Variants in HDHD5 observed in about 807,000 individuals in gnomAD.
HDHD5 encodes the protein haloacid dehalogenase-like hydrolase domain-containing 5.
A neutral mutation model predicts 35.5 loss-of-function variants in HDHD5; 34 were observed. The ratio of observed to expected loss-of-function variants is 0.96; its 90% confidence interval spans 0.73 to 1.28. HDHD5 has a LOEUF of 1.28. Ranked by LOEUF, HDHD5 falls within the 50% of genes most tolerant of loss-of-function variation. HDHD5 has a pLI of 0.00. For synonymous variants in HDHD5, 248 were observed against 240.6 expected, an observed-to-expected ratio of 1.03 and a Z score of -0.29; for missense variants, 589 against 560.2, an observed-to-expected ratio of 1.05 and a Z score of -0.52.
At chr22:17,151,368 T>A (rs1399739996) in intron 1 of HDHD5, among the ~76,000 whole-genome samples, 1 of 151,984 alleles carries the variant, frequency 6.6e-6, no homozygotes, top group Admixed American at 6.6e-5. Context: ...GCCAACTAGG[T>A]CAAGTCATTC....
intron 4 of HDHD5, chr22:17,143,398 G>C: frequency 2.4e-6 from 1 of 416,282 alleles, no homozygotes; most frequent in Non-Finnish European, 4.2e-6. Context: ...GTCTTTCTCT[G>C]GTGGGAGAGG....
intron 4 of HDHD5, among the ~76,000 whole-genome samples, chr22:17,144,188 C>T (rs570083545): frequency 1.3e-5 from 2 of 152,164 alleles, no homozygotes; most frequent in African/African-American, 4.8e-5. Context: ...GGCTCTGAAA[C>T]GGGTTCCCAG....
At chr22:17,139,731 C>G (rs2061578847) in intron 6 of HDHD5, among the ~76,000 whole-genome samples, 1 of 152,058 alleles carries the variant, frequency 6.6e-6, no homozygotes, top group South Asian at 2.1e-4. Flanking sequence ...TGCCACCATG[C>G]CCGGCTAATT....
chr22:17,144,972 G>A (rs2123857296), intron 4 of HDHD5, 52 bp downstream of exon 4: 2 of 1,604,662 alleles, frequency 1.2e-6, no homozygotes, highest in Non-Finnish European at 1.7e-6. Flanking sequence ...CCAATGCAGG[G>A]CACTGGAGGA....
rs777649773 is a variant in HDHD5, at chr22:17,148,510, G to A, written c.381C>T (p.Ser127=). Residue 127 remains serine (S), a synonymous_variant, in exon 3 of 8, where the codon TCC becomes TCT. Transcript: ENST00000336737. Reference sequence around the variant, plus strand: ...CCAGCATCCGCTTCTCATGGTACTCGGAGAAGAGCTTCATGGGGCTGTGAG... The same window carrying A: ...CCAGCATCCGCTTCTCATGGTACTCAGAGAAGAGCTTCATGGGGCTGTGAG... ...ILSHSPMKLF[S]EYHEKRMLVS... is the part of the protein sequence containing the mutation. 25 of 1,614,044 alleles carry A rather than the reference G, an allele frequency of 1.5e-5. No individual in the cohort carries two copies. Among genetic ancestry groups the A allele is most frequent in the African/African-American group, 2.7e-5 (2 of 74,922 alleles).
chr22:17,145,577 G>A (rs533760714), intron 3 of HDHD5, among the ~76,000 whole-genome samples: 12 of 152,196 alleles, frequency 7.9e-5, no homozygotes, highest in African/African-American at 2.9e-4. Context: ...CACACCTGTC[G>A]TCTACTCAGG....
At chr22:17,155,773 G>A (rs969038851) in intron 1 of HDHD5, among the ~76,000 whole-genome samples, 3 of 152,080 alleles carry the variant, frequency 2.0e-5, no homozygotes, top group Admixed American at 6.6e-5. Flanking sequence ...ATACAGTCAC[G>A]CACCATAACG....
chr22:17,155,058 A>C (rs1294123389), intron 1 of HDHD5, among the ~76,000 whole-genome samples: 2 of 152,178 alleles, frequency 1.3e-5, no homozygotes, highest in African/African-American at 4.8e-5. Flanking sequence ...GGTGTTGAAA[A>C]ATGTTAATCA....
chr22:17,152,687 T>C (rs867971772), intron 1 of HDHD5, among the ~76,000 whole-genome samples: 1 of 151,968 alleles, frequency 6.6e-6, no homozygotes, highest in Middle Eastern at 3.2e-3. Flanking sequence ...ACAATACTAC[T>C]TAATAATGGA....
At position 17,138,143 on chromosome 22, in the gene HDHD5, G is replaced by C. The variant is rs1022815213; in HGVS notation, c.1150C>G (p.Pro384Ala). The C allele has an allele frequency of 1.5e-5, 24 of 1,614,068 alleles. No individual in the cohort carries two copies. The Admixed American group carries it at 2.8e-4, about 19-fold the overall frequency. Residue 384 changes from proline to alanine, a missense_variant, in exon 8 of 8, where the codon CCA (proline) becomes GCA (alanine). Pro to Ala is a conservative substitution (Grantham distance 27, BLOSUM62 -1). Coordinates refer to ENST00000336737, the MANE Select transcript of HDHD5 (RefSeq NM_033070.3). ...TEPVLGGGEP[P>A]FHGHRDLCFS... ...CATAAGTCTCGGTGCCCGTGGAATG[G>C]AGGCTCCCCTCCTCCAAGGACAGGC...
intron 3 of HDHD5, 108 bp downstream of exon 3, chr22:17,148,340 G>A (rs73876651): frequency 1.1e-6 from 1 of 878,380 alleles, no homozygotes; most frequent in African/African-American, 1.6e-5. Flanking sequence ...AACATCGCCT[G>A]TGTACCCCAG....
intron 1 of HDHD5, among the ~76,000 whole-genome samples, chr22:17,151,820 CAG>C (rs1383953016): frequency 6.6e-6 from 1 of 150,880 alleles, no homozygotes; most frequent in African/African-American, 2.4e-5. Flanking sequence ...GCTAAGGTGA[CAG>C]AGCAAGCAAC....
In HDHD5 at chr22:17,149,699, A is replaced by G. The variant is rs764202303; in HGVS notation, c.173T>C (p.Val58Ala). The change falls in exon 2 of 8, where the codon GTG (valine) becomes GCG (alanine). Residue 58 changes from valine to alanine, a missense_variant. Val to Ala is a moderately conservative substitution (Grantham distance 64). Transcript: ENST00000336737. ...AGCAGGGATCACTCTGTGGCCCCGCACAAGCACTCCATCGATGTCCAACAG... is the reference window on the plus strand; with the variant it reads ...AGCAGGGATCACTCTGTGGCCCCGCGCAAGCACTCCATCGATGTCCAACAG... ...GFLLDIDGVL[V>A]RGHRVIPAAL... 1.5e-5 allele frequency: 24 copies of G among 1,613,966 alleles called. No homozygotes were observed. Among genetic ancestry groups the G allele is most frequent in the Non-Finnish European group, 1.9e-5 (23 of 1,180,046 alleles).
chr22:17,141,025 C>A, intron 6 of HDHD5, 34 bp downstream of exon 6: 1 of 1,537,542 alleles, frequency 6.5e-7, no homozygotes, highest in Non-Finnish European at 8.7e-7. Context: ...AGGAATAGAC[C>A]ACCAGGCCAA....
chr22:17,143,411 A>G (rs534702416), intron 4 of HDHD5: 31 of 394,530 alleles, frequency 7.9e-5, no homozygotes, highest in African/African-American at 5.9e-4. Flanking sequence ...GGGAGAGGAC[A>G]CAAGATATAG....
intron 1 of HDHD5, among the ~76,000 whole-genome samples, chr22:17,150,388 A>T (rs2061712748): frequency 6.6e-6 from 1 of 152,208 alleles, no homozygotes; most frequent in South Asian, 2.1e-4. Flanking sequence ...ACTTAGTCCT[A>T]TTCCTGTCCT....
At chr22:17,165,245 G>T in exon 1 of HDHD5, 1 of 776,886 alleles carries the variant, frequency 1.3e-6, no homozygotes, top group South Asian at 1.4e-5. Flanking sequence ...AAGCATACAT[G>T]ATTTAGTCCC....
upstream of HDHD5, among the ~76,000 whole-genome samples, chr22:17,160,152 G>A (rs897415046): frequency 2.0e-5 from 3 of 152,136 alleles, no homozygotes; most frequent in Non-Finnish European, 2.9e-5. Context: ...AAAAACGCGG[G>A]ACCCTACAAT....
rs769218856 is a variant in HDHD5 at position 17,143,106 on chromosome 22, C to A, written c.563G>T (p.Arg188Leu). Residue 188 changes from arginine (R) to leucine (L), a missense_variant, in exon 5 of 8, where the codon CGC (arginine) becomes CTC (leucine). Coordinates refer to ENST00000336737, the MANE Select transcript of HDHD5 (RefSeq NM_033070.3). ...TTPLPRNDFP[R>L]IEGVLLLGEP... ...AAGAGGACCTCTCTTACCTTCAATG[C>A]GGGGGAAGTCATTCCTCGGGAGGGG... 22 of 1,609,450 alleles carry A rather than the reference C, an allele frequency of 1.4e-5. No individual in the cohort carries two copies. Among genetic ancestry groups the A allele is most frequent in the East Asian group, 2.2e-5 (1 of 44,610 alleles).
Sources: allele counts gnomAD v4.1 joint callset (sites outside exome capture counted in the v4.1 genomes callset), GRCh38; gene constraint gnomAD v4.1.1; transcripts MANE v1.5; gene names NCBI Gene and HGNC (gene_info 2026-07-23, HGNC 2026-07-21).